NKAIN2: variants seen among roughly 807,000 people sequenced by gnomAD.
The protein encoded by NKAIN2 is sodium/potassium-transporting ATPase subunit beta-1-interacting protein 2.
In NKAIN2, 14 loss-of-function variants were observed where a neutral mutation model predicts 32.6. The ratio of observed to expected loss-of-function variants is 0.43; its 90% CI spans 0.28 to 0.67. NKAIN2 has a LOEUF of 0.67. NKAIN2 is among the 30% of genes least tolerant of loss of function. The pLI is 0.17. For missense variants in NKAIN2, 198 were observed against 258.3 expected, an observed-to-expected ratio of 0.77 and a Z score of 1.60; for synonymous variants, 80 against 87.2, an observed-to-expected ratio of 0.92 and a Z score of 0.46.
At chr6:124,589,279 T>G (rs1781822605) in intron 3 of NKAIN2, among the ~76,000 whole-genome samples, 1 of 152,226 alleles carries the variant, frequency 6.6e-6, no homozygotes, top group Admixed American at 6.5e-5. Context: ...TTTCTGCTAT[T>G]GTATGAGAAT....
chr6:124,487,986 G>A (rs1051296581), intron 3 of NKAIN2, among the ~76,000 whole-genome samples: 1 of 151,884 alleles, frequency 6.6e-6, no homozygotes, highest in East Asian at 1.9e-4. Context: ...GTTTGTTTAC[G>A]TTCTTGGTGT....
At chr6:123,991,407 C>T (rs926505865) in intron 1 of NKAIN2, among the ~76,000 whole-genome samples, 2 of 151,674 alleles carry the variant, frequency 1.3e-5, no homozygotes, top group East Asian at 1.9e-4. Flanking sequence ...TAAATATTGC[C>T]CAGGGAGAGG....
intron 1 of NKAIN2, among the ~76,000 whole-genome samples, chr6:123,941,034 T>A (rs1474671569): frequency 6.6e-6 from 1 of 151,902 alleles, no homozygotes; most frequent in Admixed American, 6.6e-5. Context: ...ATTTTAAAAT[T>A]TTTATTTTAT....
intron 1 of NKAIN2, among the ~76,000 whole-genome samples, chr6:124,144,249 C>T (rs115031003): frequency 0.018 from 2,688 of 152,178 alleles, 65 homozygotes; most frequent in African/African-American, 0.05. Flanking sequence ...AGATTTTGTC[C>T]TATCATATGA....
chr6:123,932,656 A>T (rs1338720439), intron 1 of NKAIN2, among the ~76,000 whole-genome samples: 1 of 151,672 alleles, frequency 6.6e-6, no homozygotes, highest in Admixed American at 6.6e-5. Flanking sequence ...TGACCTTGTG[A>T]TCTGCCCGCC....
chr6:124,640,471 A>C (rs190513656), intron 3 of NKAIN2, among the ~76,000 whole-genome samples: 4 of 152,310 alleles, frequency 2.6e-5, no homozygotes, highest in Non-Finnish European at 4.4e-5. Context: ...AACTTTTCAA[A>C]GCTCTTAGGG....
chr6:124,687,313 A>G (rs1164186251), intron 4 of NKAIN2, among the ~76,000 whole-genome samples: 2 of 142,082 alleles, frequency 1.4e-5, no homozygotes, highest in African/African-American at 2.5e-5. Flanking sequence ...TAGAGAATAT[A>G]TATGTAATAT....
intron 3 of NKAIN2, among the ~76,000 whole-genome samples, chr6:124,473,828 C>A (rs1267796086): frequency 6.6e-6 from 1 of 152,092 alleles, no homozygotes; most frequent in African/African-American, 2.4e-5. Flanking sequence ...CACATCAGTT[C>A]AGTTAAGCCA....
At chr6:124,396,023 T>A (rs140012786) in intron 3 of NKAIN2, among the ~76,000 whole-genome samples, 36 of 152,246 alleles carry the variant, frequency 2.4e-4, no homozygotes, top group Middle Eastern at 6.8e-3. Context: ...ACCTCTGCCC[T>A]CAGGAGCTTA....
intron 1 of NKAIN2, among the ~76,000 whole-genome samples, chr6:123,911,290 A>G (rs989563315): frequency 6.6e-6 from 1 of 152,144 alleles, no homozygotes; most frequent in Non-Finnish European, 1.5e-5. Context: ...CAGGCTGTAC[A>G]AGAAACATGG....
At chr6:123,833,575 A>G (rs1396753867) in intron 1 of NKAIN2, among the ~76,000 whole-genome samples, 1 of 152,158 alleles carries the variant, frequency 6.6e-6, no homozygotes, top group East Asian at 1.9e-4. Context: ...TTTTCAATGT[A>G]TGTACTTCTT....
intron 3 of NKAIN2, among the ~76,000 whole-genome samples, chr6:124,404,264 T>G (rs2114467931): frequency 6.6e-6 from 1 of 152,256 alleles, no homozygotes; most frequent in East Asian, 1.9e-4. Flanking sequence ...TGATTAACTG[T>G]TATTCTCGTG....
intron 3 of NKAIN2, among the ~76,000 whole-genome samples, chr6:124,435,631 C>G (rs1479683180): frequency 6.6e-6 from 1 of 152,094 alleles, no homozygotes; most frequent in Admixed American, 6.6e-5. Flanking sequence ...AGGTTTGGCT[C>G]CAGAGCTCGT....
At chr6:124,498,918 G>A (rs79918129) in intron 3 of NKAIN2, among the ~76,000 whole-genome samples, 4,284 of 151,936 alleles carry the variant, frequency 0.028, 94 homozygotes, top group Non-Finnish European at 0.043. Context: ...TCTCTTTTTT[G>A]TAGTTGTTGT....
rs7454016 is a variant in NKAIN2 at position 123,911,803 on chromosome 6, A to G, written c.54+107549A>G. Among the ~76,000 whole-genome samples the G allele has an allele frequency of 6.9e-4, 68 of 98,598 alleles. 7 individuals are homozygous for G. Among genetic ancestry groups the G allele is most frequent in the East Asian group, 3.7e-3 (13 of 3,544 alleles). 64.7% of individuals were successfully genotyped at this position (98,598 alleles called of 152,430 possible). A position where few individuals can be genotyped will look rare whatever the true frequency, so the allele number is the denominator to read the frequency against. ...CATACATATATATATATATATATGT[A>G]TATATATATACACACACACACACAC... On this transcript the variant is annotated intron_variant, in intron 1 of 6. Transcript: ENST00000368417.
At chr6:124,503,974 A>G (rs1778385218) in intron 3 of NKAIN2, among the ~76,000 whole-genome samples, 1 of 152,286 alleles carries the variant, frequency 6.6e-6, no homozygotes, top group South Asian at 2.1e-4. Context: ...TCCGGCAGAA[A>G]TGTAAATGGT....
chr6:124,409,458 G>T (rs544235162), intron 3 of NKAIN2, among the ~76,000 whole-genome samples: 66 of 152,160 alleles, frequency 4.3e-4, no homozygotes, highest in Admixed American at 1.4e-3. Flanking sequence ...TAATCATGTG[G>T]TTTTTGTCTT....
chr6:123,874,097 C>T (rs1015053256), intron 1 of NKAIN2, among the ~76,000 whole-genome samples: 1 of 152,128 alleles, frequency 6.6e-6, no homozygotes, highest in Non-Finnish European at 1.5e-5. Flanking sequence ...GAGACCATTA[C>T]ATCCCAGGTT....
chr6:124,224,231 A>T (rs1050549635), intron 1 of NKAIN2, among the ~76,000 whole-genome samples: 20 of 152,064 alleles, frequency 1.3e-4, no homozygotes, highest in Non-Finnish European at 2.6e-4. Flanking sequence ...ATACATATAT[A>T]TTTGTATTTA....
Sources: allele counts gnomAD v4.1 joint callset (sites outside exome capture counted in the v4.1 genomes callset), GRCh38; gene constraint gnomAD v4.1.1; transcripts MANE v1.5; gene names NCBI Gene and HGNC (gene_info 2026-07-23, HGNC 2026-07-21).